JHY: variants seen among roughly 807,000 people sequenced by gnomAD.
The protein encoded by JHY is junctional cadherin complex regulator.
JHY carries 69 observed loss-of-function variants against 78.0 expected under a neutral mutation model. The observed-to-expected ratio is 0.88, with a 90% CI of 0.73 to 1.08. JHY has a LOEUF of 1.08. JHY is among the 50% of genes least tolerant of loss of function. The pLI is 0.00. For missense variants in JHY, 944 were observed against 927.8 expected (o/e 1.02, Z -0.23); for synonymous variants, 368 against 342.6 (o/e 1.07, Z -0.82).
intron 3 of JHY, among the ~76,000 whole-genome samples, chr11:122,923,806 C>G (rs1054687246): frequency 1.3e-5 from 2 of 151,756 alleles, no homozygotes; most frequent in African/African-American, 4.8e-5. Context: ...CAACCTCCGC[C>G]TCCCAGGTTT....
rs1863251973 is a variant in JHY, at chr11:122,917,293, C to CTGTGACACTA, written c.865-7604_865-7603insTGTGACACTA. Among the ~76,000 whole-genome samples the CTGTGACACTA allele has an allele frequency of 1.3e-5, 2 of 152,198 alleles. No individual in the cohort carries two copies. On this transcript the variant is annotated intron_variant, in intron 3 of 8. Transcript: ENST00000227349. The surrounding 1 kb of genome is among the most constrained non-coding windows in gnomAD (Gnocchi z 4.1). ...TCTTCAAGACTAGAAAATGTCACTT[C>CTGTGACACTA]ATCCAGTGAGTTAGTTAAGGAGAAG...
In JHY at chr11:122,925,814, G is replaced by A. The variant is rs141644850; in HGVS notation, c.978+804G>A. On this transcript the variant is annotated intron_variant, in intron 4 of 8. Transcript: ENST00000227349. ...GGGTGAATCACAAGGTCAGGAGTTC[G>A]AGACCAGCCCGGCCAATATGGTGAA... 7.5e-4 allele frequency among the ~76,000 whole-genome samples: 114 copies of A among 151,962 alleles called. 2 individuals carry two copies. The East Asian group carries it at 0.019, about 26-fold the overall frequency.
In JHY at chr11:122,924,988, A is replaced by G. The variant is rs755644277; in HGVS notation, c.956A>G (p.His319Arg). The change falls in exon 4 of 9, where the codon CAT (histidine) becomes CGT (arginine). Residue 319 changes from histidine (H) to arginine (R), a missense_variant. By Grantham distance (29) the His-to-Arg change is conservative (BLOSUM62 0). Coordinates refer to ENST00000227349, the MANE Select transcript of JHY (RefSeq NM_024806.4). The stretch of plus-strand genomic sequence containing the variant: ...GCCATCGATCCTGAAGATAAATGGC[A>G]TCAAAGAGCACAACAGCTAAAGGTT... ...NAAIDPEDKW[H>R]QRAQQLKNYQ... 6 of 1,613,796 alleles carry G rather than the reference A, an allele frequency of 3.7e-6. No homozygotes were observed. The South Asian group carries it at 5.5e-5, about 15-fold the overall frequency.
At chr11:122,890,744 T>C (rs1218080438) in intron 2 of JHY, among the ~76,000 whole-genome samples, 1 of 152,216 alleles carries the variant, frequency 6.6e-6, no homozygotes, top group African/African-American at 2.4e-5. Context: ...CTTGGTTTTC[T>C]CATTCAGAGG....
chr11:122,915,445 G>C (rs1863214455), intron 3 of JHY, among the ~76,000 whole-genome samples: 1 of 152,122 alleles, frequency 6.6e-6, no homozygotes, highest in South Asian at 2.1e-4. Context: ...AGTCAGAGGG[G>C]GCCTCACACA....
chr11:122,911,083 T>C (rs376243200), intron 3 of JHY, among the ~76,000 whole-genome samples: 1 of 152,220 alleles, frequency 6.6e-6, no homozygotes, highest in Non-Finnish European at 1.5e-5. Flanking sequence ...TGAAACTCAT[T>C]CCACTTTGAG....
Position 122,946,492 on chromosome 11 carries a change from A to C in JHY, c.1635-6A>C. 1 of 1,548,872 alleles carries C rather than the reference A, an allele frequency of 6.5e-7. No individual in the cohort carries two copies. Among genetic ancestry groups the C allele is most frequent in the Non-Finnish European group, 8.7e-7 (1 of 1,152,258 alleles). ...ATAGATTTGTGCCTTTTTTTTTTTC[A>C]TTAAGGAAATTCCATTCTTCTTCTG... On this transcript the variant is annotated splice_polypyrimidine_tract_variant and splice_region_variant and intron_variant, in intron 5 of 8. Transcript: ENST00000227349.
chr11:122,894,328 CAAACAA>C (rs1193428204), intron 2 of JHY, among the ~76,000 whole-genome samples: 6 of 151,538 alleles, frequency 4.0e-5, no homozygotes, highest in African/African-American at 7.3e-5. Context: ...AAAAAAAAAG[CAAACAA>C]AAACAAAAAC....
chr11:122,925,017 T>G lies in JHY; in HGVS notation c.978+7T>G. ...AAGAGCACAACAGCTAAAGGTTACC[T>G]GCTAGATTGCATTTTAAGTGTGTTT... On this transcript the variant is annotated splice_region_variant and intron_variant, in intron 4 of 8. Transcript: ENST00000227349. The G allele has an allele frequency of 6.3e-7, 1 of 1,592,078 alleles. No individual in the cohort carries two copies. The highest frequency in any genetic ancestry group is 1.1e-5 in the South Asian group (1 of 90,602).
In JHY at chr11:122,924,943, C is replaced by G; in HGVS notation, c.911C>G (p.Ala304Gly). 1 of 1,613,982 alleles carries G rather than the reference C, an allele frequency of 6.2e-7. No homozygotes were observed. Among genetic ancestry groups the G allele is most frequent in the Non-Finnish European group, 8.5e-7 (1 of 1,179,962 alleles). ...ACAGACAAGACGTCTATTCAGAATGCCAAGGAAATGGAAAATGCTGCCATC... is the reference window on the plus strand; with the variant it reads ...ACAGACAAGACGTCTATTCAGAATGGCAAGGAAATGGAAAATGCTGCCATC... ...RVTDKTSIQN[A>G]KEMENAAIDP... is the part of the protein sequence containing the mutation. Residue 304 changes from alanine (A) to glycine (G), a missense_variant, in exon 4 of 9, where the codon GCC (alanine) becomes GGC (glycine). Transcript: ENST00000227349.
At chr11:122,891,763 A>C (rs1862618976) in intron 2 of JHY, among the ~76,000 whole-genome samples, 1 of 152,180 alleles carries the variant, frequency 6.6e-6, no homozygotes, top group Non-Finnish European at 1.5e-5. Context: ...GGAACTGCAG[A>C]TCTGAGAGCT....
In JHY at chr11:122,898,270, G is replaced by A. The variant is rs531020710; in HGVS notation, c.345-5655G>A. Among the ~76,000 whole-genome samples the A allele has an allele frequency of 2.5e-4, 38 of 152,158 alleles. No individual in the cohort carries two copies. The highest frequency in any genetic ancestry group is 2.2e-3 in the Admixed American group (34 of 15,286). Reference sequence around the variant, plus strand: ...TATCTGTTGACCGACTGATCCATTCGCTGATTCACATAAGGCAGACACTGC... The same window carrying A: ...TATCTGTTGACCGACTGATCCATTCACTGATTCACATAAGGCAGACACTGC... On this transcript the variant is annotated intron_variant, in intron 2 of 8. Transcript: ENST00000227349. This position sits in a 1 kb window ranked among gnomAD's most constrained non-coding sequence, Gnocchi z 4.4.
chr11:122,895,524 GAA>G (rs1297611532), intron 2 of JHY, among the ~76,000 whole-genome samples: 1 of 152,128 alleles, frequency 6.6e-6, no homozygotes, highest in East Asian at 1.9e-4. Context: ...TATTTGGTTT[GAA>G]GTTATCACAA....
intron 6 of JHY, among the ~76,000 whole-genome samples, chr11:122,955,031 G>C (rs958023404): frequency 2.0e-5 from 3 of 152,108 alleles, no homozygotes; most frequent in African/African-American, 7.2e-5. Context: ...TTCCCAAAAA[G>C]GAAACCAAAT....
intron 3 of JHY, chr11:122,905,584 G>T (rs1469371380): frequency 9.9e-7 from 1 of 1,012,080 alleles, no homozygotes; most frequent in Non-Finnish European, 1.2e-6. Flanking sequence ...AAAGAATTAC[G>T]TCTGGTGGCA....
At chr11:122,950,960 A>G (rs1470789474) in intron 6 of JHY, among the ~76,000 whole-genome samples, 1 of 152,218 alleles carries the variant, frequency 6.6e-6, no homozygotes, top group Non-Finnish European at 1.5e-5. Flanking sequence ...TTCAGCTTAC[A>G]TCTGACAAAT....
chr11:122,956,506 T>C lies in JHY; in HGVS notation c.1940T>C (p.Leu647Pro), dbSNP rs145643640. 1.2e-5 allele frequency: 20 copies of C among 1,613,488 alleles called. No individual in the cohort carries two copies. The highest frequency in any genetic ancestry group is 1.7e-4 in the Middle Eastern group (1 of 6,058). The stretch of plus-strand genomic sequence containing the variant: ...TGGTTGTATTTTTAGAACACCAAGC[T>C]GAAAGGTTATCAGAAAAGAGACGTG... ...KKRSSSKNTKLKGYQKRDVKL... is the reference protein window; with the variant it reads ...KKRSSSKNTKPKGYQKRDVKL... Residue 647 changes from leucine (L) to proline (P), a missense_variant, in exon 7 of 9, where the codon CTG becomes CCG. Transcript: ENST00000227349.
In JHY at chr11:122,963,296, CA is replaced by C. The variant is rs1672369620; in HGVS notation, c.*3854del. Reference sequence around the variant, plus strand: ...GCAGCTTAAGTGATTCAGTTCATGTCAAACAACATTTCACAGGATTCTTACC... The same window carrying C: ...GCAGCTTAAGTGATTCAGTTCATGTCAACAACATTTCACAGGATTCTTACC... On this transcript the variant is annotated 3_prime_UTR_variant, in exon 9 of 9. Coordinates refer to ENST00000227349, the MANE Select transcript of JHY (RefSeq NM_024806.4). Among the ~76,000 whole-genome samples the C allele has an allele frequency of 6.6e-6, 1 of 152,098 alleles. No homozygotes were observed. Among genetic ancestry groups the C allele is most frequent in the African/African-American group, 2.4e-5 (1 of 41,436 alleles).
At chr11:122,910,266 C>T (rs1202785594) in intron 3 of JHY, among the ~76,000 whole-genome samples, 3 of 151,978 alleles carry the variant, frequency 2.0e-5, no homozygotes, top group African/African-American at 7.2e-5. Flanking sequence ...CTTGAGGTCA[C>T]AAGTTTGAGA....
Sources: allele counts gnomAD v4.1 joint callset (sites outside exome capture counted in the v4.1 genomes callset), GRCh38; gene constraint gnomAD v4.1.1; non-coding constraint Gnocchi (gnomAD v3.1); transcripts MANE v1.5; gene names NCBI Gene and HGNC (gene_info 2026-07-23, HGNC 2026-07-21).